Variants in BCAS3 observed in about 807,000 individuals in gnomAD.
BCAS3 encodes BCAS4/BCAS3 fusion.
BCAS3 carries 53 observed loss-of-function variants against 116.1 expected under a neutral mutation model. That is an observed-to-expected ratio of 0.46 (90% CI 0.37 to 0.57). BCAS3 has a LOEUF of 0.57. Ranked by LOEUF, BCAS3 falls within the 20% of genes least tolerant of loss-of-function variation. The probability of loss-of-function intolerance (pLI) is 0.00; values close to 1 mark genes in which losing one functional copy is unlikely to be tolerated. For missense variants in BCAS3, 917 were observed against 1,165.4 expected (o/e 0.79, Z 3.10); for synonymous variants, 391 against 408.2 (o/e 0.96, Z 0.51).
chr17:60,701,569 ACAT>A (rs1270409220), intron 4 of BCAS3, among the ~76,000 whole-genome samples: 16 of 152,296 alleles, frequency 1.1e-4, no homozygotes, highest in East Asian at 7.7e-4. Context: ...CAGATGAACC[ACAT>A]AGCCTAGAAA....
At chr17:61,322,818 GAGAGAGAGAGAC>G (rs2055365435) in intron 22 of BCAS3, among the ~76,000 whole-genome samples, 1 of 130,764 alleles carries the variant, frequency 7.6e-6, no homozygotes, top group South Asian at 2.3e-4. Context: ...GAGAGAGAGA[GAGAGAGAGAGAC>G]AGAGAGAGAG....
At chr17:60,798,520 G>T (rs1458689452) in intron 6 of BCAS3, among the ~76,000 whole-genome samples, 1 of 152,078 alleles carries the variant, frequency 6.6e-6, no homozygotes, top group Non-Finnish European at 1.5e-5. Context: ...TCGTTTTATG[G>T]CTTGATAGCT....
Position 61,390,396 on chromosome 17 carries a change from C to G in BCAS3, c.2594-1581C>G, listed in dbSNP as rs892377719. ...ATATCCAGATAGCTCTTGACTTTCC[C>G]AGGCAGCCAATGTCCCCTGGAGGTC... On this transcript the variant is annotated intron_variant, in intron 23 of 23. Transcript: ENST00000407086. This position sits in a 1 kb window ranked among gnomAD's most constrained non-coding sequence, Gnocchi z 6.8. 3.9e-5 allele frequency: 6 copies of G among 152,298 alleles called. No homozygotes were observed. The highest frequency in any genetic ancestry group is 1.2e-4 in the African/African-American group (5 of 41,430). 9.4% of individuals were successfully genotyped at this position (152,298 alleles called of 1,614,324 possible).
chr17:61,273,824 A>G (rs2050523568), intron 22 of BCAS3, among the ~76,000 whole-genome samples: 1 of 149,946 alleles, frequency 6.7e-6, no homozygotes, highest in African/African-American at 2.5e-5. Flanking sequence ...TGTAGTGTTT[A>G]ATCTTTTGTC....
In BCAS3 at chr17:61,323,506, C is replaced by G. The variant is rs948581122; in HGVS notation, c.2426-44821C>G. ...ACTCTGTGAACTGAAGCTAATTTCT[C>G]CTACCTGGGAGGATTGATATGGAAG... On this transcript the variant is annotated intron_variant, in intron 22 of 23. Coordinates refer to ENST00000407086, the MANE Select transcript of BCAS3 (RefSeq NM_017679.5). The surrounding 1 kb of genome is among the most constrained non-coding windows in gnomAD (Gnocchi z 4.6). Among the ~76,000 whole-genome samples the G allele has an allele frequency of 7.2e-5, 11 of 152,276 alleles. No individual in the cohort carries two copies. Among genetic ancestry groups the G allele is most frequent in the African/African-American group, 2.6e-4 (11 of 41,546 alleles).
At position 61,161,042 on chromosome 17, in the gene BCAS3, A is replaced by G. The variant is rs1051915237; in HGVS notation, c.2425+76478A>G. Among the ~76,000 whole-genome samples, 3 of 152,176 alleles carry G rather than the reference A, an allele frequency of 2.0e-5. No homozygotes were observed. The highest frequency in any genetic ancestry group is 2.9e-5 in the Non-Finnish European group (2 of 68,036). ...TCCCTGTGTCAACTTTGGGACGACT[A>G]CAAGAGATCTATAGTTAAAATACTC... On this transcript the variant is annotated intron_variant, in intron 22 of 23. Transcript: ENST00000407086. This position sits in a 1 kb window ranked among gnomAD's most constrained non-coding sequence, Gnocchi z 4.8.
At chr17:60,814,310 C>CGCGT (rs1225969094) in intron 7 of BCAS3, among the ~76,000 whole-genome samples, 3 of 135,652 alleles carry the variant, frequency 2.2e-5, no homozygotes, top group African/African-American at 9.5e-5. Context: ...TGTGTGTGCG[C>CGCGT]GCGTGCCCAT....
intron 7 of BCAS3, among the ~76,000 whole-genome samples, chr17:60,814,247 A>G (rs9303425): frequency 0.24 from 35,662 of 149,342 alleles, 7,776 homozygotes; most frequent in African/African-American, 0.59. Context: ...AACCTTGTTC[A>G]TTAGATGTAT....
intron 19 of BCAS3, among the ~76,000 whole-genome samples, chr17:61,074,212 A>G (rs2071730647): frequency 6.6e-6 from 1 of 151,808 alleles, no homozygotes; most frequent in Non-Finnish European, 1.5e-5. Context: ...CTGTGAACCT[A>G]AAACTGCTGT....
chr17:60,936,380 G>A (rs1295717290), intron 13 of BCAS3, among the ~76,000 whole-genome samples: 5 of 151,928 alleles, frequency 3.3e-5, no homozygotes, highest in Admixed American at 3.3e-4. Flanking sequence ...ACCTAGTAAT[G>A]GGATTGCAGG....
chr17:60,756,879 C>T (rs1351380927), intron 6 of BCAS3, among the ~76,000 whole-genome samples: 1 of 152,074 alleles, frequency 6.6e-6, no homozygotes, highest in Non-Finnish European at 1.5e-5. Context: ...ACATTCCCAC[C>T]AACAGCATGT....
At chr17:60,913,621 A>G (rs2145113384) in intron 12 of BCAS3, among the ~76,000 whole-genome samples, 1 of 152,210 alleles carries the variant, frequency 6.6e-6, no homozygotes, top group Admixed American at 6.5e-5. Flanking sequence ...TTTAGCCTAA[A>G]CTGTAATGTT....
chr17:61,209,166 C>T (rs1317538532), intron 22 of BCAS3, among the ~76,000 whole-genome samples: 1 of 135,292 alleles, frequency 7.4e-6, no homozygotes, highest in Non-Finnish European at 1.6e-5. Flanking sequence ...AAGGCCACCC[C>T]GAAACAACAG....
Position 60,995,298 on chromosome 17 carries a change from G to T in BCAS3, c.1486+5063G>T, listed in dbSNP as rs1194165084. On this transcript the variant is annotated intron_variant, in intron 15 of 23. Coordinates refer to ENST00000407086, the MANE Select transcript of BCAS3 (RefSeq NM_017679.5). This position sits in a 1 kb window ranked among gnomAD's most constrained non-coding sequence, Gnocchi z 4.7. The stretch of plus-strand genomic sequence containing the variant: ...CTCCCAAGTAGCTGGGATTACAGGT[G>T]CCCGCCACCATGCCTGGCTAATTTT... 6.6e-6 allele frequency among the ~76,000 whole-genome samples: 1 copy of T among 152,104 alleles called. No homozygotes were observed. The highest frequency in any genetic ancestry group is 1.5e-5 in the Non-Finnish European group (1 of 67,998).
chr17:61,375,247 T>TGTGCGCGCGCGCGCAC (rs1031489813), intron 23 of BCAS3, among the ~76,000 whole-genome samples: 1 of 129,760 alleles, frequency 7.7e-6, no homozygotes, highest in African/African-American at 4.6e-5. Context: ...TGTGTGTGTG[T>TGTGCGCGCGCGCGCAC]GTGTGTGTAC....
In BCAS3 at chr17:61,282,308, T is replaced by C. The variant is rs1227372037; in HGVS notation, c.2426-86019T>C. On this transcript the variant is annotated intron_variant, in intron 22 of 23. Coordinates refer to ENST00000407086, the MANE Select transcript of BCAS3 (RefSeq NM_017679.5). The surrounding 1 kb of genome is among the most constrained non-coding windows in gnomAD (Gnocchi z 5.9). ...TGCTTCTTTGGGAATACCTTACCGATGAGAAGGCTTTCCTGAGCCTTGGTT... is the reference window on the plus strand; with the variant it reads ...TGCTTCTTTGGGAATACCTTACCGACGAGAAGGCTTTCCTGAGCCTTGGTT... Among the ~76,000 whole-genome samples, 5 of 152,194 alleles carry C rather than the reference T, an allele frequency of 3.3e-5. No individual in the cohort carries two copies. The highest frequency in any genetic ancestry group is 1.3e-4 in the Admixed American group (2 of 15,268).
Position 61,280,616 on chromosome 17 carries a change from G to A in BCAS3, c.2426-87711G>A, listed in dbSNP as rs556333438. ...GTAACAGTACCTACCTTGGAGTGTG[G>A]TTGTATAGATTTGATAAAATAATGA... On this transcript the variant is annotated intron_variant, in intron 22 of 23. Coordinates refer to ENST00000407086, the MANE Select transcript of BCAS3 (RefSeq NM_017679.5). Among the ~76,000 whole-genome samples, 10 of 152,242 alleles carry A rather than the reference G, an allele frequency of 6.6e-5. No homozygotes were observed. In the South Asian group the frequency reaches 1.0e-3, roughly 16 times the overall value.
At position 61,388,637 on chromosome 17, in the gene BCAS3, A is replaced by T; in HGVS notation, c.2594-3340A>T. 1 of 1,537,688 alleles carries T rather than the reference A, an allele frequency of 6.5e-7. No homozygotes were observed. Among genetic ancestry groups the T allele is most frequent in the Non-Finnish European group, 8.7e-7 (1 of 1,148,918 alleles). The stretch of plus-strand genomic sequence containing the variant: ...CAAAAGGGAAAAAAAAAGGAAAAAA[A>T]AAACAATGCCAACAGCCCAGCGTCC... On this transcript the variant is annotated intron_variant, in intron 23 of 23. Transcript: ENST00000407086. This position sits in a 1 kb window ranked among gnomAD's most constrained non-coding sequence, Gnocchi z 6.5.
chr17:61,128,059 A>G lies in BCAS3; in HGVS notation c.2425+43495A>G, dbSNP rs1455084771. On this transcript the variant is annotated intron_variant, in intron 22 of 23. Transcript: ENST00000407086. The surrounding 1 kb of genome is among the most constrained non-coding windows in gnomAD (Gnocchi z 4.1). ...CCACAATTCCCATTGAGCTCAGAAA[A>G]TGTGATTAAGGAGTTTGAATGTAAT... is the stretch of plus-strand genomic sequence containing the variant. 1 of 347,454 alleles carries G rather than the reference A, an allele frequency of 2.9e-6. No homozygotes were observed. The highest frequency in any genetic ancestry group is 6.5e-5 in the Admixed American group (1 of 15,490). The allele number at this position is 347,454 out of a possible 1,614,324, so 21.5% of individuals were successfully genotyped here.
Sources: gnomAD v4.1 joint callset for allele counts (sites outside exome capture counted in the v4.1 genomes callset) on GRCh38, gnomAD v4.1.1 for gene constraint, Gnocchi (gnomAD v3.1) non-coding constraint, MANE v1.5 for transcripts, NCBI Gene and HGNC (gene_info 2026-07-23, HGNC 2026-07-21) for gene names.